MCF2L2: variants seen among roughly 807,000 people sequenced by gnomAD.
MCF2L2 encodes the protein probable guanine nucleotide exchange factor MCF2L2.
A neutral mutation model predicts 150.2 loss-of-function variants in MCF2L2; 102 were observed. The ratio of observed to expected loss-of-function variants is 0.68; its 90% CI spans 0.58 to 0.80. MCF2L2 has a LOEUF of 0.80. MCF2L2 is among the 30% of genes least tolerant of loss of function. The probability of loss-of-function intolerance (pLI) is 0.00; values close to 1 mark genes in which losing one functional copy is unlikely to be tolerated. For missense variants in MCF2L2, 1,256 were observed against 1,372.8 expected (o/e 0.91, Z 1.34); for synonymous variants, 465 against 491.3 (o/e 0.95, Z 0.71).
chr3:183,247,565 T>C (rs777193066), intron 15 of MCF2L2, among the ~76,000 whole-genome samples: 5 of 152,104 alleles, frequency 3.3e-5, no homozygotes, highest in Admixed American at 6.6e-5. Flanking sequence ...TCGGTAATCT[T>C]CAGTAAAGAA....
chr3:183,364,769 A>G (rs1712426199), intron 3 of MCF2L2, among the ~76,000 whole-genome samples: 1 of 152,198 alleles, frequency 6.6e-6, no homozygotes, highest in Admixed American at 6.5e-5. Flanking sequence ...ATCCCTATGC[A>G]AAAAAATTTG....
chr3:183,191,040 CATGCCCGGCTA>C (rs1181139104), intron 27 of MCF2L2, among the ~76,000 whole-genome samples: 2 of 152,128 alleles, frequency 1.3e-5, no homozygotes, highest in African/African-American at 4.8e-5. Context: ...CGTGTACCAC[CATGCCCGGCTA>C]ATTTTTTGTA....
At chr3:183,193,544 T>A (rs1390920935) in intron 26 of MCF2L2, among the ~76,000 whole-genome samples, 1 of 151,718 alleles carries the variant, frequency 6.6e-6, no homozygotes, top group Non-Finnish European at 1.5e-5. Context: ...AGAGACGAGG[T>A]TTCACCATGT....
chr3:183,322,698 T>C (rs1729862387), intron 6 of MCF2L2, among the ~76,000 whole-genome samples: 2 of 152,208 alleles, frequency 1.3e-5, no homozygotes, highest in South Asian at 4.1e-4. Context: ...GTATATTGCA[T>C]GATGCCAAGG....
At chr3:183,365,360 A>G (rs1392940621) in intron 3 of MCF2L2, among the ~76,000 whole-genome samples, 1 of 152,208 alleles carries the variant, frequency 6.6e-6, no homozygotes, top group Non-Finnish European at 1.5e-5. Context: ...ACAGGAAAGA[A>G]CAGTTAGGAA....
At position 183,359,408 on chromosome 3, in the gene MCF2L2, G is replaced by A. The variant is rs749844231; in HGVS notation, c.276-17778C>T. Reference sequence around the variant, plus strand: ...ATACCAGTGGCTCATGCACTCTGCAGGGAAACTGGACTGAATGATGACTGA... The same window carrying A: ...ATACCAGTGGCTCATGCACTCTGCAAGGAAACTGGACTGAATGATGACTGA... On this transcript the variant is annotated intron_variant, in intron 3 of 29. Coordinates refer to ENST00000328913, the MANE Select transcript of MCF2L2 (RefSeq NM_015078.4). Among the ~76,000 whole-genome samples, 19 of 152,282 alleles carry A rather than the reference G, an allele frequency of 1.2e-4. 1 individual carries two copies. In the Middle Eastern group the frequency reaches 0.01, roughly 82 times the overall value.
chr3:183,375,016 ATAC>A (rs1713115971), intron 3 of MCF2L2: 1 of 152,242 alleles, frequency 6.6e-6, no homozygotes, highest in African/African-American at 2.4e-5. Context: ...CAGCCTAAGG[ATAC>A]TACAACAACA....
chr3:183,217,250 T>A (rs1466874375), intron 21 of MCF2L2, among the ~76,000 whole-genome samples: 1 of 135,186 alleles, frequency 7.4e-6, no homozygotes, highest in Admixed American at 8.5e-5. Context: ...GCCCAGATTG[T>A]GTCATTGCAC....
intron 14 of MCF2L2, among the ~76,000 whole-genome samples, chr3:183,288,306 T>C (rs969658116): frequency 1.3e-5 from 2 of 152,142 alleles, no homozygotes; most frequent in African/African-American, 4.8e-5. Context: ...TTAAGTCACA[T>C]GAGGTTGCAA....
chr3:183,336,193 C>A (rs1730472033), intron 5 of MCF2L2, among the ~76,000 whole-genome samples: 1 of 151,708 alleles, frequency 6.6e-6, no homozygotes, highest in East Asian at 1.9e-4. Context: ...TCTAAGTAAA[C>A]ATAAATATAT....
At chr3:183,268,342 G>A (rs909714316) in intron 15 of MCF2L2, among the ~76,000 whole-genome samples, 4 of 152,222 alleles carry the variant, frequency 2.6e-5, no homozygotes, top group African/African-American at 7.2e-5. Context: ...TTGTCTCGTG[G>A]TTAAATCCAA....
At chr3:183,330,542 T>C (rs1730230260) in intron 5 of MCF2L2, among the ~76,000 whole-genome samples, 1 of 152,140 alleles carries the variant, frequency 6.6e-6, no homozygotes, top group Non-Finnish European at 1.5e-5. Context: ...GAGGAAGTTT[T>C]GCGTGGTGAT....
At chr3:183,423,913 C>A in intron 1 of MCF2L2, among the ~76,000 whole-genome samples, 1 of 150,144 alleles carries the variant, frequency 6.7e-6, no homozygotes, top group Admixed American at 6.6e-5. Context: ...TGAGCCACTG[C>A]GCCCGGCGAC....
chr3:183,193,357 C>CTTTTTTT (rs765523814), intron 26 of MCF2L2, among the ~76,000 whole-genome samples: 39,920 of 138,678 alleles, frequency 0.29, 6,131 homozygotes, highest in East Asian at 0.41. Flanking sequence ...CTTTTTCTTT[C>CTTTTTTT]TTTTTTTTTT....
chr3:183,311,852 G>A, intron 7 of MCF2L2, 80 bp from the exon 8 acceptor site: 1 of 1,268,504 alleles, frequency 7.9e-7, no homozygotes, highest in East Asian at 2.5e-5. Context: ...GAGAATAGTA[G>A]ATCAGTACAT....
At chr3:183,223,755 CT>C (rs1174104060) in intron 19 of MCF2L2, among the ~76,000 whole-genome samples, 1 of 152,242 alleles carries the variant, frequency 6.6e-6, no homozygotes, top group African/African-American at 2.4e-5. Flanking sequence ...GGCCACCTAT[CT>C]TCAAGTTGGG....
rs758006575 is a variant in MCF2L2 at position 183,359,073 on chromosome 3, G to A, written c.276-17443C>T. 1.2e-4 allele frequency among the ~76,000 whole-genome samples: 18 copies of A among 150,304 alleles called. 1 individual carries two copies. In the Middle Eastern group the frequency reaches 0.01, roughly 86 times the overall value. ...AAGCAGTGCAGAAATTCATTGACAAGTTTGCCAAGGTCACTGCTGATGAAA... is the reference window on the plus strand; with the variant it reads ...AAGCAGTGCAGAAATTCATTGACAAATTTGCCAAGGTCACTGCTGATGAAA... On this transcript the variant is annotated intron_variant, in intron 3 of 29. Transcript: ENST00000328913.
chr3:183,377,725 T>A (rs906785045), intron 3 of MCF2L2: 1 of 152,100 alleles, frequency 6.6e-6, no homozygotes, highest in Non-Finnish European at 1.5e-5. Flanking sequence ...GAAGGTTTCA[T>A]CGAAGAGATG....
chr3:183,295,534 CACGA>C, intron 12 of MCF2L2, 57 bp from the exon 13 acceptor site: 1 of 1,540,696 alleles, frequency 6.5e-7, no homozygotes, highest in South Asian at 1.1e-5. Context: ...AGCCTGAGGA[CACGA>C]AGCATTCCCT....
Sources: gnomAD v4.1 joint callset for allele counts (sites outside exome capture counted in the v4.1 genomes callset) on GRCh38, gnomAD v4.1.1 for gene constraint, MANE v1.5 for transcripts, NCBI Gene and HGNC (gene_info 2026-07-23, HGNC 2026-07-21) for gene names.